The following TBC1D8B variants were observed in gnomAD, a reference collection of about 807,000 sequenced individuals.
TBC1D8B encodes the protein RP11-321G1.1.
A neutral mutation model predicts 82.9 loss-of-function variants in TBC1D8B; 75 were observed. That is an observed-to-expected ratio of 0.90 (90% CI 0.75 to 1.10). TBC1D8B has a LOEUF of 1.10. Ranked by LOEUF, TBC1D8B falls within the 50% of genes least tolerant of loss-of-function variation. The pLI is 0.00. For missense variants in TBC1D8B, 794 were observed against 796.9 expected, an observed-to-expected ratio of 1.00 and a Z score of 0.04; for synonymous variants, 276 against 276.8, an observed-to-expected ratio of 1.00 and a Z score of 0.03.
At chrX:106,853,695 A>G (rs1932639563) in intron 13 of TBC1D8B, 45 bp downstream of exon 13, 1 of 1,108,557 alleles carries the variant, frequency 9.0e-7, no homozygotes, top group Non-Finnish European at 1.2e-6. Flanking sequence ...CATATTTAAA[A>G]TGATTGAACT....
At chrX:106,811,045 C>A (rs1481482959) in intron 1 of TBC1D8B, among the ~76,000 whole-genome samples, 1 of 112,064 alleles carries the variant, frequency 8.9e-6, no homozygotes, top group African/African-American at 3.2e-5. Flanking sequence ...AAAGTCATGA[C>A]ATTGGCCATA....
chrX:106,861,524 G>C (rs1397835322), intron 14 of TBC1D8B, among the ~76,000 whole-genome samples: 1 of 111,306 alleles, frequency 9.0e-6, no homozygotes. Context: ...AGTCTGTTTT[G>C]TCTGAAATCA....
intron 1 of TBC1D8B, among the ~76,000 whole-genome samples, chrX:106,818,215 A>T (rs1931596155): frequency 9.0e-6 from 1 of 111,392 alleles, no homozygotes; most frequent in Non-Finnish European, 1.9e-5. Flanking sequence ...TCTTTACAAC[A>T]GCCCTTTGTA....
intron 7 of TBC1D8B, among the ~76,000 whole-genome samples, chrX:106,836,537 A>G (rs1932180568): frequency 9.1e-6 from 1 of 110,044 alleles, no homozygotes; most frequent in Non-Finnish European, 1.9e-5. Flanking sequence ...TTAAGCTACT[A>G]AGGTTTACTA....
intron 14 of TBC1D8B, among the ~76,000 whole-genome samples, chrX:106,854,728 C>T (rs934220285): frequency 9.1e-6 from 1 of 110,430 alleles, no homozygotes; most frequent in African/African-American, 3.3e-5. Flanking sequence ...GTTTCCCAGG[C>T]TGTCTCAAAC....
At position 106,859,342 on chromosome X, in the gene TBC1D8B, A is replaced by C. The variant is rs189388183; in HGVS notation, c.2352+5046A>C. On this transcript the variant is annotated intron_variant, in intron 14 of 20. Coordinates refer to ENST00000357242, the MANE Select transcript of TBC1D8B (RefSeq NM_017752.3). ...AATATTGATTCTTCCTATCCATGAG[A>C]ATGGAATGTTTTTCATTTGCTTGTG... Among the ~76,000 whole-genome samples, 288 of 111,636 alleles carry C rather than the reference A, an allele frequency of 2.6e-3. 3 individuals are homozygous for C. Among genetic ancestry groups the C allele is most frequent in the African/African-American group, 8.9e-3 (273 of 30,721 alleles).
At chrX:106,833,966 T>TAA (rs372718259) in intron 7 of TBC1D8B, among the ~76,000 whole-genome samples, 6 of 104,305 alleles carry the variant, frequency 5.8e-5, no homozygotes, top group African/African-American at 2.1e-4. Context: ...AATAAGCATT[T>TAA]AAAAAAAAAA....
Position 106,818,414 on chromosome X carries a change from T to C in TBC1D8B, c.131-249T>C, listed in dbSNP as rs1025055069. 1.9e-5 allele frequency: 5 copies of C among 263,195 alleles called. No homozygotes were observed. The Admixed American group carries it at 2.5e-4, about 13-fold the overall frequency. The allele number at this position is 263,195 out of a possible 1,213,427, so 21.7% of individuals were successfully genotyped here. ...GATACATAAGTGCTGCAGATACATT[T>C]TGAGATTTGGACAATTGAAGCTGAC... is the stretch of plus-strand genomic sequence containing the variant. On this transcript the variant is annotated intron_variant, in intron 1 of 20. Coordinates refer to ENST00000357242, the MANE Select transcript of TBC1D8B (RefSeq NM_017752.3).
intron 14 of TBC1D8B, among the ~76,000 whole-genome samples, chrX:106,856,506 G>A (rs969446039): frequency 1.6e-4 from 18 of 110,383 alleles, no homozygotes; most frequent in African/African-American, 5.2e-4. Flanking sequence ...TATACCTAGA[G>A]TATATTTTTT....
intron 10 of TBC1D8B, among the ~76,000 whole-genome samples, chrX:106,843,638 C>A (rs774681669): frequency 9.0e-6 from 1 of 110,888 alleles, no homozygotes; most frequent in East Asian, 2.8e-4. Context: ...AGTGTGAGTT[C>A]TTTAACTTTG....
chrX:106,855,742 A>C (rs751685358), intron 14 of TBC1D8B, among the ~76,000 whole-genome samples: 2 of 112,016 alleles, frequency 1.8e-5, no homozygotes, highest in Non-Finnish European at 3.8e-5. Context: ...GCTGGGTAAA[A>C]GGGTATGCCC....
chrX:106,809,636 TGCTTTGG>T (rs2147718878), intron 1 of TBC1D8B, among the ~76,000 whole-genome samples: 1 of 110,481 alleles, frequency 9.1e-6, no homozygotes, highest in African/African-American at 3.3e-5. Context: ...GTAATCCCAG[TGCTTTGG>T]GAGGCCGAGG....
intron 10 of TBC1D8B, among the ~76,000 whole-genome samples, chrX:106,845,345 A>G (rs1932416347): frequency 1.8e-5 from 2 of 109,160 alleles, no homozygotes; most frequent in African/African-American, 6.7e-5. Context: ...CGTGTGCACA[A>G]TGTGCAGGTT....
chrX:106,862,748 T>G (rs1243764910), intron 14 of TBC1D8B, among the ~76,000 whole-genome samples: 1 of 107,681 alleles, frequency 9.3e-6, no homozygotes, highest in Non-Finnish European at 1.9e-5. Context: ...ATCTCTGAAG[T>G]TGTTTTCCTT....
At chrX:106,873,067 G>A (rs962322912) in intron 20 of TBC1D8B, among the ~76,000 whole-genome samples, 9 of 111,916 alleles carry the variant, frequency 8.0e-5, no homozygotes, top group Non-Finnish European at 1.7e-4. Context: ...ATAAGTGAGA[G>A]CACTTAAATG....
At chrX:106,818,593 A>T in intron 1 of TBC1D8B, 70 bp from the exon 2 acceptor site, 1 of 767,998 alleles carries the variant, frequency 1.3e-6, no homozygotes, top group Non-Finnish European at 1.9e-6. Flanking sequence ...TTAGTTTGTT[A>T]TATGAAGTGA....
At chrX:106,823,494 A>T in intron 5 of TBC1D8B, 28 bp downstream of exon 5, 5 of 1,190,182 alleles carry the variant, frequency 4.2e-6, no homozygotes, top group Non-Finnish European at 5.7e-6. Flanking sequence ...TTTAGTTTTC[A>T]AAGTATTGTT....
At position 106,802,967 on chromosome X, in the gene TBC1D8B, C is replaced by T. The variant is rs1602399217; in HGVS notation, c.114C>T (p.Gly38=). 1 of 1,205,462 alleles carries T rather than the reference C, an allele frequency of 8.3e-7. No homozygotes were observed. Residue 38 remains glycine, a synonymous_variant, in exon 1 of 21, where the codon GGC becomes GGT. Transcript: ENST00000357242. The stretch of plus-strand genomic sequence containing the variant: ...GGCGTCGGGGCTACGGGGAGGAAGG[C>T]GGAGGGGGGCTCACAGGTAAGCTGT... The part of the protein sequence containing the change: ...LQRRRGYGEE[G]GGGLTGLLVG...
intron 1 of TBC1D8B, among the ~76,000 whole-genome samples, chrX:106,804,227 C>T (rs757055771): frequency 3.6e-5 from 4 of 111,516 alleles, no homozygotes; most frequent in Non-Finnish European, 5.6e-5. Context: ...GAGGATAAAA[C>T]GAAAGATAAT....
Sources: allele counts gnomAD v4.1 joint callset (sites outside exome capture counted in the v4.1 genomes callset), GRCh38; gene constraint gnomAD v4.1.1; transcripts MANE v1.5; gene names NCBI Gene and HGNC (gene_info 2026-07-23, HGNC 2026-07-21).